USP25: variants seen among roughly 807,000 people sequenced by gnomAD.
The protein encoded by USP25 is ubiquitin carboxyl-terminal hydrolase 25.
Under a neutral mutation model 158.5 loss-of-function variants are expected in USP25, and 85 were observed. The observed-to-expected ratio is 0.54, with a 90% confidence interval of 0.45 to 0.64. The LOEUF (loss-of-function observed/expected upper bound fraction) is 0.64, where lower values mean the gene tolerates loss of function less well. Among genes scored for constraint, USP25 ranks in the 30% least tolerant of loss-of-function variants. The pLI is 0.00. For missense variants in USP25, 1,242 were observed against 1,327.3 expected (o/e 0.94, Z 1.00); for synonymous variants, 464 against 460.4 (o/e 1.01, Z -0.10).
chr21:15,771,683 T>TC (rs202135620), intron 3 of USP25, among the ~76,000 whole-genome samples: 5 of 123,574 alleles, frequency 4.0e-5, no homozygotes, highest in African/African-American at 1.2e-4. Flanking sequence ...TTTTTTTTTC[T>TC]TTTTTTTTCC....
intron 3 of USP25, among the ~76,000 whole-genome samples, chr21:15,774,885 G>A (rs760357755): frequency 6.6e-6 from 1 of 152,106 alleles, no homozygotes; most frequent in Non-Finnish European, 1.5e-5. Flanking sequence ...ATTCAATATC[G>A]TTTTGCATCA....
rs1449785004 is a variant in USP25 at position 15,766,212 on chromosome 21, A to C, written c.268+71A>C. ...AAAACTTTTCTTGGTGTAATATATT[A>C]ATGTTGCTTAAGGAGAGGTAAAGAA... On this transcript the variant is annotated intron_variant, in intron 3 of 25. Transcript: ENST00000400183. This position sits in a 1 kb window ranked among gnomAD's most constrained non-coding sequence, Gnocchi z 4.0. 1 of 1,438,372 alleles carries C rather than the reference A, an allele frequency of 7.0e-7. No individual in the cohort carries two copies. The highest frequency in any genetic ancestry group is 1.4e-5 in the African/African-American group (1 of 68,988). The allele number at this position is 1,438,372 out of a possible 1,614,324, so 89.1% of individuals were successfully genotyped here. A position where few individuals can be genotyped will look rare whatever the true frequency, so the allele number is the denominator to read the frequency against.
chr21:15,815,016 C>T (rs1252554723), intron 9 of USP25, among the ~76,000 whole-genome samples: 6 of 152,114 alleles, frequency 3.9e-5, no homozygotes, highest in South Asian at 4.1e-4. Context: ...GTGGGCTGCC[C>T]GTGGTACTCA....
chr21:15,748,692 A>G (rs1225176810), intron 1 of USP25, among the ~76,000 whole-genome samples: 2 of 152,100 alleles, frequency 1.3e-5, no homozygotes, highest in Non-Finnish European at 2.9e-5. Context: ...GCTCTTATGT[A>G]ATAAGATGAA....
chr21:15,872,298 C>A (rs1365709836), intron 23 of USP25, among the ~76,000 whole-genome samples: 1 of 151,930 alleles, frequency 6.6e-6, no homozygotes. Flanking sequence ...AAATCTTATT[C>A]TAAATTTATT....
At position 15,766,761 on chromosome 21, in the gene USP25, T is replaced by C. The variant is rs2034062736; in HGVS notation, c.268+620T>C. 6.6e-6 allele frequency among the ~76,000 whole-genome samples: 1 copy of C among 152,108 alleles called. No homozygotes were observed. Among genetic ancestry groups the C allele is most frequent in the African/African-American group, 2.4e-5 (1 of 41,450 alleles). ...ATGTAGCGCACAGTTTTTCAAACTA[T>C]GTTCAGTTACCTTCATATCTCATTA... On this transcript the variant is annotated intron_variant, in intron 3 of 25. Coordinates refer to ENST00000400183, the MANE Select transcript of USP25 (RefSeq NM_001283041.3). The surrounding 1 kb of genome is among the most constrained non-coding windows in gnomAD (Gnocchi z 4.0).
chr21:15,867,084 A>G (rs1348746703), intron 22 of USP25, among the ~76,000 whole-genome samples: 1 of 152,132 alleles, frequency 6.6e-6, no homozygotes, highest in African/African-American at 2.4e-5. Flanking sequence ...GTACTTGTAC[A>G]TGTGCTTGTG....
At position 15,826,845 on chromosome 21, in the gene USP25, A is replaced by G; in HGVS notation, c.1467-132A>G. The stretch of plus-strand genomic sequence containing the variant: ...ATTAAAAATCTCATTTGGATGTTAG[A>G]TCAATCCACATATTTCTTTAAGATT... On this transcript the variant is annotated intron_variant, in intron 13 of 25. Transcript: ENST00000400183. The surrounding 1 kb of genome is among the most constrained non-coding windows in gnomAD (Gnocchi z 4.8). 1.3e-6 allele frequency: 1 copy of G among 761,470 alleles called. No homozygotes were observed. Among genetic ancestry groups the G allele is most frequent in the South Asian group, 1.9e-5 (1 of 52,356 alleles). 47.2% of individuals were successfully genotyped at this position (761,470 alleles called of 1,614,324 possible). A position where few individuals can be genotyped will look rare whatever the true frequency, so the allele number is the denominator to read the frequency against.
Position 15,729,998 on chromosome 21 carries a change from C to A in USP25, c.-396C>A, listed in dbSNP as rs564676460. The A allele has an allele frequency of 6.6e-6, 1 of 151,640 alleles. No homozygotes were observed. Among genetic ancestry groups the A allele is most frequent in the South Asian group, 2.1e-4 (1 of 4,820 alleles). The allele number at this position is 151,640 out of a possible 1,614,324, so 9.4% of individuals were successfully genotyped here. ...GACAACGCCATTCCGGGCGGCCGCT[C>A]CCTCCGTCCCCTCTCTCCCTTCCCC... On this transcript the variant is annotated 5_prime_UTR_variant, in exon 1 of 26. Coordinates refer to ENST00000400183, the MANE Select transcript of USP25 (RefSeq NM_001283041.3).
chr21:15,777,542 CAGAA>C (rs2034728578), intron 3 of USP25, among the ~76,000 whole-genome samples: 1 of 152,124 alleles, frequency 6.6e-6, no homozygotes, highest in Non-Finnish European at 1.5e-5. Flanking sequence ...GGGTTAACTT[CAGAA>C]AGCAGAAATG....
intron 20 of USP25, among the ~76,000 whole-genome samples, chr21:15,854,204 G>T (rs2146506361): frequency 6.6e-6 from 1 of 152,240 alleles, no homozygotes; most frequent in African/African-American, 2.4e-5. Flanking sequence ...GGAGTGCAGT[G>T]GTGCGATCTT....
At chr21:15,738,609 T>C (rs140601897) in intron 1 of USP25, among the ~76,000 whole-genome samples, 95 of 152,338 alleles carry the variant, frequency 6.2e-4, no homozygotes, top group African/African-American at 2.2e-3. Flanking sequence ...CTAGCCACCT[T>C]GCTAAATGTT....
At chr21:15,830,443 A>G in intron 14 of USP25, 88 bp from the exon 15 acceptor site, 3 of 1,156,872 alleles carry the variant, frequency 2.6e-6, no homozygotes, top group Middle Eastern at 2.0e-4. Context: ...CTATTCCTCT[A>G]ACATGTTTGT....
chr21:15,741,566 A>G (rs1009275978), intron 1 of USP25, among the ~76,000 whole-genome samples: 1 of 152,130 alleles, frequency 6.6e-6, no homozygotes, highest in African/African-American at 2.4e-5. Context: ...TGTGGTAGTA[A>G]TTGTATATTT....
intron 20 of USP25, among the ~76,000 whole-genome samples, chr21:15,862,020 A>C (rs897911074): frequency 1.3e-5 from 2 of 152,116 alleles, no homozygotes; most frequent in Non-Finnish European, 2.9e-5. Context: ...CTATAATAGA[A>C]ATCTGCTATT....
intron 4 of USP25, among the ~76,000 whole-genome samples, chr21:15,790,078 C>T (rs150086747): frequency 9.3e-4 from 141 of 152,106 alleles, no homozygotes; most frequent in African/African-American, 3.1e-3. Flanking sequence ...CCCTTGTATT[C>T]TTGAAAACTT....
intron 9 of USP25, among the ~76,000 whole-genome samples, chr21:15,814,391 G>A (rs542623959): frequency 1.3e-5 from 2 of 152,150 alleles, no homozygotes; most frequent in Admixed American, 1.3e-4. Context: ...TGAAAATGTG[G>A]AAGCAACTTT....
At chr21:15,863,718 A>G (rs2039530325) in intron 20 of USP25, among the ~76,000 whole-genome samples, 1 of 152,236 alleles carries the variant, frequency 6.6e-6, no homozygotes, top group African/African-American at 2.4e-5. Context: ...AAGCAAAAAG[A>G]ACGTTTATAT....
intron 17 of USP25, among the ~76,000 whole-genome samples, chr21:15,834,748 A>G (rs528981111): frequency 1.3e-5 from 2 of 152,334 alleles, no homozygotes; most frequent in East Asian, 3.9e-4. Context: ...TTTTAAAAAG[A>G]TAATGGTATC....
Sources: gnomAD v4.1 joint callset for allele counts (sites outside exome capture counted in the v4.1 genomes callset) on GRCh38, gnomAD v4.1.1 for gene constraint, Gnocchi (gnomAD v3.1) non-coding constraint, MANE v1.5 for transcripts, NCBI Gene and HGNC (gene_info 2026-07-23, HGNC 2026-07-21) for gene names.